COL4A1: variants seen among roughly 807,000 people sequenced by gnomAD.
COL4A1 encodes the protein collagen alpha-1(IV) chain.
A neutral mutation model predicts 216.6 loss-of-function variants in COL4A1; 40 were observed. The observed-to-expected ratio is 0.18, with a 90% CI of 0.14 to 0.24. COL4A1 has a LOEUF of 0.24. Among genes scored for constraint, COL4A1 ranks in the 10% least tolerant of loss-of-function variants. The pLI is 1.00. For missense variants in COL4A1, 1,628 were observed against 2,196.8 expected (o/e 0.74, Z 5.18); for synonymous variants, 839 against 810.7 (o/e 1.03, Z -0.59).
rs1879465023 is a variant in COL4A1, at chr13:110,205,525, T to C, written c.872A>G (p.Lys291Arg). Residue 291 changes from lysine to arginine, a missense_variant, in exon 16 of 52, where the codon AAA becomes AGA. By Grantham distance (26) the Lys-to-Arg change is conservative. Transcript: ENST00000375820. ...GKPGPRGKPG[K>R]DGDKGEKGSP... ...CCCTTTTTCCCCTTTGTCACCATCT[T>C]TTCCGGGTTTGCCCTGTAGAATAAA... 21 of 1,609,378 alleles carry C rather than the reference T, an allele frequency of 1.3e-5. No individual in the cohort carries two copies. The highest frequency in any genetic ancestry group is 1.7e-5 in the Non-Finnish European group (20 of 1,179,866).
At chr13:110,172,431 T>A (rs749975637) in intron 41 of COL4A1, among the ~76,000 whole-genome samples, 3 of 152,272 alleles carry the variant, frequency 2.0e-5, no homozygotes, top group Non-Finnish European at 2.9e-5. Flanking sequence ...GATGACCTTC[T>A]AGGCATAAAA....
At chr13:110,205,970 G>A (rs1476411048) in intron 15 of COL4A1, among the ~76,000 whole-genome samples, 3 of 151,968 alleles carry the variant, frequency 2.0e-5, no homozygotes, top group Non-Finnish European at 4.4e-5. Flanking sequence ...AGGTAAATGA[G>A]GGTTCTATGT....
At chr13:110,197,131 C>T (rs887796899) in intron 21 of COL4A1, among the ~76,000 whole-genome samples, 1 of 152,102 alleles carries the variant, frequency 6.6e-6, no homozygotes, top group Non-Finnish European at 1.5e-5. Flanking sequence ...TGTCCTTTTC[C>T]CAGATTTCCC....
At chr13:110,282,176 T>C (rs928962759) in intron 1 of COL4A1, among the ~76,000 whole-genome samples, 4 of 152,206 alleles carry the variant, frequency 2.6e-5, no homozygotes, top group Non-Finnish European at 5.9e-5. Context: ...AGGTGGCATA[T>C]CAATGTCAAT....
At position 110,169,620 on chromosome 13, in the gene COL4A1, A is replaced by C. The variant is rs767570461; in HGVS notation, c.3876+9T>G. On this transcript the variant is annotated intron_variant, in intron 43 of 51. Transcript: ENST00000375820. ...TTTAAAAATAAAAATCTACAAATCA[A>C]TAACTCACAGGCATGCCCTGGAATC... 1 of 1,613,882 alleles carries C rather than the reference A, an allele frequency of 6.2e-7. No individual in the cohort carries two copies. The highest frequency in any genetic ancestry group is 1.3e-5 in the African/African-American group (1 of 74,894).
chr13:110,202,035 C>T (rs1879275686), intron 18 of COL4A1, among the ~76,000 whole-genome samples: 1 of 152,122 alleles, frequency 6.6e-6, no homozygotes, highest in African/African-American at 2.4e-5. Flanking sequence ...AAACATGCTG[C>T]AACCATCCCT....
intron 44 of COL4A1, among the ~76,000 whole-genome samples, chr13:110,166,524 CAT>C (rs1877345221): frequency 6.6e-6 from 1 of 152,172 alleles, no homozygotes; most frequent in Non-Finnish European, 1.5e-5. Flanking sequence ...CACATATATG[CAT>C]ATATACACAT....
chr13:110,177,389 C>T (rs746832223), intron 33 of COL4A1, among the ~76,000 whole-genome samples: 3 of 152,190 alleles, frequency 2.0e-5, no homozygotes, highest in Non-Finnish European at 4.4e-5. Context: ...GGAATTTTAT[C>T]ATTCTACAAA....
intron 1 of COL4A1, among the ~76,000 whole-genome samples, chr13:110,292,429 T>C (rs1279088210): frequency 6.6e-6 from 1 of 152,212 alleles, no homozygotes; most frequent in Non-Finnish European, 1.5e-5. Context: ...ACTTTTCATA[T>C]ATTTCCAATC....
Position 110,211,671 on chromosome 13 carries a change from T to C in COL4A1, c.444A>G (p.Gly148=), listed in dbSNP as rs889881981. 8 of 1,610,928 alleles carry C rather than the reference T, an allele frequency of 5.0e-6. No individual in the cohort carries two copies. Among genetic ancestry groups the C allele is most frequent in the Non-Finnish European group, 6.8e-6 (8 of 1,178,858 alleles). Residue 148 remains glycine, a splice_region_variant and synonymous_variant, in exon 8 of 52, where the codon GGA becomes GGG. Coordinates refer to ENST00000375820, the MANE Select transcript of COL4A1 (RefSeq NM_001845.6). The surrounding 1 kb of genome is among the most constrained non-coding windows in gnomAD (Gnocchi z 4.3). ...PGLPGFAGNP[G]PPGLPGMKGD... is the part of the protein sequence containing the mutation. ...CCTTCATCCCTGGTAAGCCTGGTGG[T>C]CCCTAAAAAAGAAAGTTTTGGTGTT...
At chr13:110,200,586 A>G (rs953291515) in intron 20 of COL4A1, among the ~76,000 whole-genome samples, 2 of 152,134 alleles carry the variant, frequency 1.3e-5, no homozygotes, top group Admixed American at 1.3e-4. Context: ...TGGTGGGGTT[A>G]CATCAGAGCT....
intron 43 of COL4A1, among the ~76,000 whole-genome samples, chr13:110,167,778 C>T (rs1445084): frequency 6.6e-6 from 1 of 152,128 alleles, no homozygotes; most frequent in African/African-American, 2.4e-5. Flanking sequence ...AAAATAGGGG[C>T]TCATTTTCTT....
chr13:110,173,199 G>A (rs1004297080), intron 40 of COL4A1, among the ~76,000 whole-genome samples: 5 of 152,238 alleles, frequency 3.3e-5, no homozygotes, highest in Middle Eastern at 3.4e-3. Flanking sequence ...GATTCAAATC[G>A]GGGGAAAGGA....
At chr13:110,286,093 G>A (rs1178249388) in intron 1 of COL4A1, among the ~76,000 whole-genome samples, 4 of 152,148 alleles carry the variant, frequency 2.6e-5, no homozygotes, top group Non-Finnish European at 5.9e-5. Flanking sequence ...CTGGAAGGAG[G>A]GAAAGGACTG....
chr13:110,252,777 ATATAAT>A (rs1453993905), intron 1 of COL4A1, among the ~76,000 whole-genome samples: 5 of 143,968 alleles, frequency 3.5e-5, no homozygotes, highest in Admixed American at 7.1e-5. Flanking sequence ...TCATATAAAC[ATATAAT>A]TATAAGTATG....
At chr13:110,151,724 G>A (rs1199643266) in intron 51 of COL4A1, among the ~76,000 whole-genome samples, 1 of 152,200 alleles carries the variant, frequency 6.6e-6, no homozygotes, top group East Asian at 1.9e-4. Flanking sequence ...TCGGGATAGA[G>A]GGTTCATTAT....
intron 50 of COL4A1, among the ~76,000 whole-genome samples, 188 bp downstream of exon 50, chr13:110,155,095 C>G (rs1455296394): frequency 2.6e-5 from 4 of 152,214 alleles, no homozygotes; most frequent in Non-Finnish European, 5.9e-5. Context: ...GCTGGAGACC[C>G]CTGCTGTCAC....
intron 2 of COL4A1, among the ~76,000 whole-genome samples, chr13:110,219,678 G>A (rs77152467): frequency 0.29 from 35,990 of 123,006 alleles, 5,073 homozygotes; most frequent in Admixed American, 0.37. Context: ...ATATATATAT[G>A]TGTATATATA....
rs1024592088 is a variant in COL4A1, at chr13:110,167,190, T to A, written c.3917A>T (p.Asp1306Val). ...GSPGITGSKG[D>V]MGPPGVPGFQ... ...TCCTGGAACTCCTGGAGGCCCCATA[T>A]CACCCTTAGAGCCTGTGATTCCTGG... Residue 1306 changes from aspartate to valine, a missense_variant, in exon 44 of 52, where the codon GAT (aspartate) becomes GTT (valine). Around this residue, in one of 8 missense-constraint regions of COL4A1, gnomAD observed 345 missense variants for 476.9 expected, o/e 0.72. Transcript: ENST00000375820. 3 of 1,613,916 alleles carry A rather than the reference T, an allele frequency of 1.9e-6. No homozygotes were observed. The highest frequency in any genetic ancestry group is 1.7e-6 in the Non-Finnish European group (2 of 1,179,950).
Sources: gnomAD v4.1 joint callset for allele counts (sites outside exome capture counted in the v4.1 genomes callset) on GRCh38, gnomAD v4.1.1 for gene constraint, gnomAD v4.1.1 regional missense constraint, Gnocchi (gnomAD v3.1) non-coding constraint, MANE v1.5 for transcripts, NCBI Gene and HGNC (gene_info 2026-07-23, HGNC 2026-07-21) for gene names.